VRTN: variants seen among roughly 807,000 people sequenced by gnomAD.
VRTN encodes the protein vertnin.
VRTN carries 5 observed loss-of-function variants against 18.2 expected under a neutral mutation model. The ratio of observed to expected loss-of-function variants is 0.27; its 90% CI spans 0.14 to 0.58. The LOEUF (loss-of-function observed/expected upper bound fraction) is 0.58. Ranked by LOEUF, VRTN falls within the 20% of genes least tolerant of loss-of-function variation. The probability of loss-of-function intolerance (pLI) is 0.91; values close to 1 mark genes in which losing one functional copy is unlikely to be tolerated. For synonymous variants in VRTN, 381 were observed against 393.7 expected (o/e 0.97, Z 0.38); for missense variants, 741 against 939.4 (o/e 0.79, Z 2.76).
In VRTN at chr14:74,357,774, C is replaced by T. The variant is rs1442449269; in HGVS notation, c.991C>T (p.Pro331Ser). The T allele has an allele frequency of 6.2e-7, 1 of 1,613,114 alleles. No homozygotes were observed. The highest frequency in any genetic ancestry group is 8.5e-7 in the Non-Finnish European group (1 of 1,180,040). ...QDSFHRGGVV[P>S]LQQFLQRFPE... ...CAGCTTCCACCGGGGGGGCGTCGTGCCACTTCAGCAGTTCCTCCAGCGGTT... is the reference window on the plus strand; with the variant it reads ...CAGCTTCCACCGGGGGGGCGTCGTGTCACTTCAGCAGTTCCTCCAGCGGTT... The change falls in exon 2 of 2, where the codon CCA (proline) becomes TCA (serine). Residue 331 changes from proline (P) to serine (S), a missense_variant. Around this residue, in one of 3 missense-constraint regions of VRTN, gnomAD observed 494 missense variants for 546.5 expected, o/e 0.90. Transcript: ENST00000256362. The surrounding 1 kb of genome is among the most constrained non-coding windows in gnomAD (Gnocchi z 7.8).
At position 74,358,926 on chromosome 14, in the gene VRTN, G is replaced by T; in HGVS notation, c.*34G>T. 2 of 1,575,982 alleles carry T rather than the reference G, an allele frequency of 1.3e-6. No homozygotes were observed. The highest frequency in any genetic ancestry group is 2.4e-5 in the South Asian group (2 of 84,086). On this transcript the variant is annotated 3_prime_UTR_variant, in exon 2 of 2. Transcript: ENST00000256362. This position sits in a 1 kb window ranked among gnomAD's most constrained non-coding sequence, Gnocchi z 5.4. ...TACAAAAGGGGCTGGGAAGAAGGGG[G>T]ACCAGTTTGGAGAGGGTCAGGGACC...
rs967798127 is a variant in VRTN at position 74,356,921 on chromosome 14, C to T, written c.138C>T (p.Cys46=). The T allele has an allele frequency of 5.6e-6, 9 of 1,613,896 alleles. No homozygotes were observed. Among genetic ancestry groups the T allele is most frequent in the East Asian group, 2.2e-5 (1 of 44,872 alleles). Reference sequence around the variant, plus strand: ...TGTCTTCCTTCACTCTCCCCACCTGCCGGGAGGGAGGCCCTGGCCTCCAGG... The same window carrying T: ...TGTCTTCCTTCACTCTCCCCACCTGTCGGGAGGGAGGCCCTGGCCTCCAGG... ...QVLSSFTLPT[C]REGGPGLQVL... The change falls in exon 2 of 2, where the codon TGC becomes TGT. Residue 46 remains cysteine (C), a synonymous_variant. Transcript: ENST00000256362.
chr14:74,320,299 C>A (rs12879470), intron 1 of VRTN, among the ~76,000 whole-genome samples: 36,068 of 126,028 alleles, frequency 0.29, 5,437 homozygotes, highest in Middle Eastern at 0.6. Flanking sequence ...CTCGCTCTGT[C>A]GCCCAGGCTG....
intron 1 of VRTN, among the ~76,000 whole-genome samples, chr14:74,304,141 G>T (rs1392029109): frequency 6.6e-6 from 1 of 151,672 alleles, no homozygotes; most frequent in African/African-American, 2.4e-5. Flanking sequence ...GTGAGCCACC[G>T]CTCCTGGCCT....
chr14:74,315,511 C>T (rs1348118253), intron 1 of VRTN, among the ~76,000 whole-genome samples: 1 of 152,156 alleles, frequency 6.6e-6, no homozygotes, highest in Non-Finnish European at 1.5e-5. Flanking sequence ...TCAGCCTGGG[C>T]AACATAGCAT....
chr14:74,344,501 G>A (rs2085629984), upstream of VRTN, among the ~76,000 whole-genome samples: 1 of 150,720 alleles, frequency 6.6e-6, no homozygotes, highest in Non-Finnish European at 1.5e-5. Flanking sequence ...GGAAGGCTGA[G>A]GTGGGCGGAT....
At chr14:74,304,618 G>A (rs1406663931) in intron 1 of VRTN, among the ~76,000 whole-genome samples, 3 of 152,092 alleles carry the variant, frequency 2.0e-5, no homozygotes, top group Admixed American at 6.6e-5. Flanking sequence ...ACTAGATGCC[G>A]GTGGCATTCC....
chr14:74,337,349 C>CA (rs1212782216), intron 1 of VRTN, among the ~76,000 whole-genome samples: 1 of 151,374 alleles, frequency 6.6e-6, no homozygotes, highest in Non-Finnish European at 1.5e-5. Context: ...CTCAAAAAAA[C>CA]AAAAAACAAA....
At chr14:74,356,275 C>T (rs1382963522) in intron 1 of VRTN, among the ~76,000 whole-genome samples, 2 of 152,158 alleles carry the variant, frequency 1.3e-5, no homozygotes, top group African/African-American at 4.8e-5. Flanking sequence ...CCTCTGCCTC[C>T]TGGGTTTAAG....
At chr14:74,345,925 C>CA (rs754493021), upstream of VRTN, among the ~76,000 whole-genome samples, 752 of 65,074 alleles carry the variant, frequency 0.012, 5 homozygotes, top group Non-Finnish European at 0.015. Flanking sequence ...ACTCCATCTC[C>CA]AAAAAAAAAA....
intron 1 of VRTN, among the ~76,000 whole-genome samples, chr14:74,333,349 T>C (rs1257287822): frequency 1.3e-5 from 2 of 151,116 alleles, no homozygotes; most frequent in South Asian, 2.1e-4. Flanking sequence ...CACCATTGCA[T>C]TCCAGCCTGG....
chr14:74,312,107 T>C (rs556301363), intron 1 of VRTN, among the ~76,000 whole-genome samples: 1 of 152,318 alleles, frequency 6.6e-6, no homozygotes, highest in Admixed American at 6.5e-5. Context: ...TTTTCCACTG[T>C]TAAGTTTGTG....
chr14:74,349,118 G>A (rs2085665906), intron 1 of VRTN, among the ~76,000 whole-genome samples: 1 of 152,230 alleles, frequency 6.6e-6, no homozygotes, highest in Non-Finnish European at 1.5e-5. Context: ...ACGTGGTCCA[G>A]TAGAGCAACT....
intron 2 of VRTN, among the ~76,000 whole-genome samples, chr14:74,340,774 G>A (rs574698293): frequency 5.3e-5 from 8 of 151,996 alleles, no homozygotes; most frequent in African/African-American, 1.2e-4. Context: ...TTTTTGAGAC[G>A]GAGTCTTGCT....
intron 1 of VRTN, among the ~76,000 whole-genome samples, chr14:74,351,308 GTTTTC>G (rs1225006195): frequency 6.6e-6 from 1 of 151,998 alleles, no homozygotes; most frequent in Non-Finnish European, 1.5e-5. Context: ...AAAAGTAATA[GTTTTC>G]TTTTTAAAGT....
intron 1 of VRTN, among the ~76,000 whole-genome samples, chr14:74,315,095 G>A (rs953539560): frequency 6.6e-5 from 10 of 152,200 alleles, no homozygotes; most frequent in African/African-American, 2.4e-4. Flanking sequence ...AGAAGAAAGA[G>A]ACTTTGCTTT....
rs1595161236 is a variant in VRTN, at chr14:74,309,709, A to C, written c.-164+6533A>C. 2.6e-5 allele frequency among the ~76,000 whole-genome samples: 4 copies of C among 152,120 alleles called. No individual in the cohort carries two copies. The East Asian group carries it at 5.8e-4, about 22-fold the overall frequency. On this transcript the variant is annotated intron_variant, in intron 1 of 2. Transcript: ENST00000557177. ...GAGACCTCGTTTCTAAAAGTAAATA[A>C]ATAAAATTTTAAAAAACCCACAGGT...
chr14:74,335,740 AT>A (rs113250765), intron 1 of VRTN, among the ~76,000 whole-genome samples: 13,533 of 132,118 alleles, frequency 0.1, 1,344 homozygotes, highest in African/African-American at 0.27. Flanking sequence ...CAGATGTTCT[AT>A]TTTTTTTTTT....
In VRTN at chr14:74,348,519, C is replaced by T. The variant is rs917598496; in HGVS notation, c.-135C>T. On this transcript the variant is annotated 5_prime_UTR_variant, in exon 1 of 2. Coordinates refer to ENST00000256362, the MANE Select transcript of VRTN (RefSeq NM_018228.3). ...TCAATGGTCCTCTACAGATATGAAA[C>T]TGGTTCTGGAGTGAGACGAGCTCGG... 2 of 152,354 alleles carry T rather than the reference C, an allele frequency of 1.3e-5. No homozygotes were observed. The highest frequency in any genetic ancestry group is 6.5e-5 in the Admixed American group (1 of 15,300). The allele number at this position is 152,354 out of a possible 1,614,324, so 9.4% of individuals were successfully genotyped here.
Sources: gnomAD v4.1 joint callset for allele counts (sites outside exome capture counted in the v4.1 genomes callset) on GRCh38, gnomAD v4.1.1 for gene constraint, gnomAD v4.1.1 regional missense constraint, Gnocchi (gnomAD v3.1) non-coding constraint, MANE v1.5 for transcripts, NCBI Gene and HGNC (gene_info 2026-07-23, HGNC 2026-07-21) for gene names.